ACTR3C: variants seen among roughly 807,000 people sequenced by gnomAD.
ACTR3C encodes the protein actin related protein 3C, also known as actin-related protein 3C.
In ACTR3C, 18 loss-of-function variants were observed where a neutral mutation model predicts 26.3. That is an observed-to-expected ratio of 0.68 (90% confidence interval 0.47 to 1.01). The LOEUF (loss-of-function observed/expected upper bound fraction) is 1.01. Among genes scored for constraint, ACTR3C ranks in the 50% least tolerant of loss-of-function variants. ACTR3C has a pLI of 0.00. For synonymous variants in ACTR3C, 55 were observed against 94.5 expected (o/e 0.58, Z 2.42); for missense variants, 184 against 250.7 (o/e 0.73, Z 1.80).
the ACTR3C span, among the ~76,000 whole-genome samples, chr7:150,000,139 T>A: frequency 6.6e-6 from 1 of 152,092 alleles, no homozygotes; most frequent in Non-Finnish European, 1.5e-5. Flanking sequence ...TGTTTTCACT[T>A]AATGTTGTAA....
the ACTR3C span, among the ~76,000 whole-genome samples, chr7:149,913,259 A>G: frequency 6.6e-6 from 1 of 152,208 alleles, no homozygotes; most frequent in Non-Finnish European, 1.5e-5. Flanking sequence ...AAAGCAAAAC[A>G]TAATTCTTAA....
intron 3 of ACTR3C, among the ~76,000 whole-genome samples, chr7:150,291,804 G>A (rs1836288040): frequency 6.6e-6 from 1 of 151,932 alleles, no homozygotes; most frequent in African/African-American, 2.4e-5. Flanking sequence ...TCTGCACCCA[G>A]GGCACTAACT....
At chr7:149,963,400 C>T in the ACTR3C span, among the ~76,000 whole-genome samples, 1 of 152,300 alleles carries the variant, frequency 6.6e-6, no homozygotes, top group Non-Finnish European at 1.5e-5. Flanking sequence ...AGGAGAATGA[C>T]TTTCCTGTAT....
At chr7:150,058,188 G>A in the ACTR3C span, among the ~76,000 whole-genome samples, 8 of 152,222 alleles carry the variant, frequency 5.3e-5, no homozygotes, top group South Asian at 1.0e-3. Context: ...GTACTGCACC[G>A]AACACTGAGA....
chr7:150,152,025 T>C, the ACTR3C span, among the ~76,000 whole-genome samples: 1 of 106,680 alleles, frequency 9.4e-6, no homozygotes, highest in Non-Finnish European at 2.2e-5. Context: ...CTTATCAGCT[T>C]AAGGAGATTT....
the ACTR3C span, among the ~76,000 whole-genome samples, chr7:150,088,725 A>G: frequency 1.3e-5 from 2 of 152,182 alleles, no homozygotes; most frequent in African/African-American, 2.4e-5. Flanking sequence ...AAACATTCAC[A>G]CGGGAATCAC....
the ACTR3C span, among the ~76,000 whole-genome samples, chr7:150,190,411 C>T: frequency 6.6e-6 from 1 of 152,192 alleles, no homozygotes; most frequent in Admixed American, 6.5e-5. Context: ...TGATTCTTTC[C>T]TTTTATGAAT....
At chr7:149,943,462 C>T in the ACTR3C span, among the ~76,000 whole-genome samples, 1 of 151,282 alleles carries the variant, frequency 6.6e-6, no homozygotes, top group East Asian at 1.9e-4. Context: ...CTCAGTGACT[C>T]ACTACTGTAA....
the ACTR3C span, among the ~76,000 whole-genome samples, chr7:150,003,980 T>G: frequency 2.0e-5 from 3 of 151,870 alleles, no homozygotes; most frequent in East Asian, 5.8e-4. Flanking sequence ...GTGTGTATGC[T>G]GTGTATGATG....
the ACTR3C span, among the ~76,000 whole-genome samples, chr7:149,919,881 A>T: frequency 1.3e-5 from 1 of 76,268 alleles, no homozygotes; most frequent in Non-Finnish European, 3.1e-5. Context: ...TTCCTTAACC[A>T]CATATTCTGA....
At chr7:150,316,239 T>C (rs919380172) in intron 1 of ACTR3C, among the ~76,000 whole-genome samples, 1 of 152,202 alleles carries the variant, frequency 6.6e-6, no homozygotes, top group African/African-American at 2.4e-5. Flanking sequence ...TAATATTCCA[T>C]CATGTGGATG....
chr7:149,906,128 A>G, the ACTR3C span, among the ~76,000 whole-genome samples: 1 of 152,146 alleles, frequency 6.6e-6, no homozygotes, highest in South Asian at 2.1e-4. Flanking sequence ...TTTTCTTTTT[A>G]AAGACCAGGC....
At chr7:149,938,668 T>C in the ACTR3C span, among the ~76,000 whole-genome samples, 4 of 152,084 alleles carry the variant, frequency 2.6e-5, no homozygotes, top group African/African-American at 9.6e-5. Context: ...GTTATTGAGA[T>C]AGAAGAACCC....
the ACTR3C span, among the ~76,000 whole-genome samples, chr7:150,035,380 C>CA: frequency 2.0e-5 from 1 of 50,378 alleles, no homozygotes; most frequent in Non-Finnish European, 4.6e-5. Context: ...GTGCCTCCCC[C>CA]TCGTGCGATG....
chr7:150,287,955 G>T (rs1298620699), intron 4 of ACTR3C, among the ~76,000 whole-genome samples: 1 of 145,274 alleles, frequency 6.9e-6, no homozygotes. Flanking sequence ...TAACCTTAAG[G>T]TTCAGGATTC....
the ACTR3C span, among the ~76,000 whole-genome samples, chr7:149,947,936 G>A: frequency 2.0e-5 from 3 of 151,744 alleles, no homozygotes; most frequent in Non-Finnish European, 4.4e-5. Context: ...CTATTTCCTC[G>A]TGTCAATGTT....
the ACTR3C span, among the ~76,000 whole-genome samples, chr7:150,165,614 T>G: frequency 2.6e-5 from 4 of 152,308 alleles, no homozygotes; most frequent in East Asian, 5.8e-4. Flanking sequence ...ACTTAATAGC[T>G]TAGGGGTCTG....
the ACTR3C span, among the ~76,000 whole-genome samples, chr7:149,918,560 C>T: frequency 2.0e-5 from 3 of 152,280 alleles, no homozygotes; most frequent in Admixed American, 2.0e-4. Context: ...TGCGGTGGCG[C>T]ATGCCTGTAA....
At chr7:149,889,742 G>C in the ACTR3C span, among the ~76,000 whole-genome samples, 1 of 152,076 alleles carries the variant, frequency 6.6e-6, no homozygotes, top group East Asian at 1.9e-4. Context: ...CCTGTGGTCC[G>C]AGCTACTCAG....
Sources: gnomAD v4.1 joint callset for allele counts (sites outside exome capture counted in the v4.1 genomes callset) on GRCh38, gnomAD v4.1.1 for gene constraint, MANE v1.5 for transcripts, NCBI Gene and HGNC (gene_info 2026-07-23, HGNC 2026-07-21) for gene names.